The following TUBB8 variants were observed in gnomAD, a reference collection of about 807,000 sequenced individuals.
The protein encoded by TUBB8 is tubulin beta 8 class VIII.
In TUBB8, 25 loss-of-function variants were observed where a neutral mutation model predicts 33.7. The ratio of observed to expected loss-of-function variants is 0.74; its 90% confidence interval spans 0.54 to 1.04. The LOEUF (loss-of-function observed/expected upper bound fraction) is 1.04. Among genes scored for constraint, TUBB8 ranks in the 50% least tolerant of loss-of-function variants. The probability of loss-of-function intolerance (pLI) is 0.00; values close to 1 mark genes in which losing one functional copy is unlikely to be tolerated. For synonymous variants in TUBB8, 245 were observed against 240.1 expected (o/e 1.02, Z -0.19); for missense variants, 279 against 608.0 (o/e 0.46, Z 5.69).
At chr10:68,156 G>T (rs1465111694) in intron 1 of TUBB8, among the ~76,000 whole-genome samples, 8 of 152,144 alleles carry the variant, frequency 5.3e-5, no homozygotes, top group Non-Finnish European at 8.8e-5. Context: ...TATCATACTG[G>T]TATAACATAT....
chr10:65,970 A>C (rs1477647370), intron 1 of TUBB8, among the ~76,000 whole-genome samples: 1 of 152,244 alleles, frequency 6.6e-6, no homozygotes, highest in Non-Finnish European at 1.5e-5. Flanking sequence ...ATTTCATCAT[A>C]AAAACACCCA....
intron 1 of TUBB8, among the ~76,000 whole-genome samples, chr10:60,473 A>C (rs1336789729): frequency 1.3e-5 from 2 of 152,252 alleles, no homozygotes; most frequent in Non-Finnish European, 2.9e-5. Context: ...AACACATGAA[A>C]AAATGCTCAT....
At chr10:64,245 C>T (rs1489727347) in intron 1 of TUBB8, among the ~76,000 whole-genome samples, 1 of 152,130 alleles carries the variant, frequency 6.6e-6, no homozygotes, top group African/African-American at 2.4e-5. Context: ...GTAACCACAA[C>T]TTGGCTACCA....
chr10:50,908 T>C (rs1451428339), upstream of TUBB8, among the ~76,000 whole-genome samples: 3 of 152,198 alleles, frequency 2.0e-5, no homozygotes, highest in East Asian at 5.8e-4. Context: ...TTCCTTGGGA[T>C]GGTCCAGGGA....
At chr10:50,468 C>T (rs1467994391), upstream of TUBB8, among the ~76,000 whole-genome samples, 4 of 152,276 alleles carry the variant, frequency 2.6e-5, no homozygotes, top group South Asian at 6.2e-4. Context: ...GCTTCATTGG[C>T]CCTTTCAGTG....
chr10:47,501 C>A lies in TUBB8; in HGVS notation c.891G>T (p.Lys297Asn), dbSNP rs782787408. Residue 297 changes from lysine to asparagine, a missense_variant, in exon 4 of 4, where the codon AAG becomes AAT. By Grantham distance (94) the Lys-to-Asn change is moderately conservative. Coordinates refer to ENST00000568584, the MANE Select transcript of TUBB8 (RefSeq NM_177987.3). Reference sequence around the variant, plus strand: ...GGGGGTCACAGGCAGCCATCATGTTCTTAGCATCAAACATCTGCTGGGTAA... The same window carrying A: ...GGGGGTCACAGGCAGCCATCATGTTATTAGCATCAAACATCTGCTGGGTAA... Reference protein sequence around the residue: ...AELTQQMFDAKNMMAACDPRH... With the variant: ...AELTQQMFDANNMMAACDPRH... The A allele has an allele frequency of 1.2e-6, 2 of 1,612,312 alleles. No individual in the cohort carries two copies. The highest frequency in any genetic ancestry group is 1.7e-6 in the Non-Finnish European group (2 of 1,180,032).
intron 1 of TUBB8, among the ~76,000 whole-genome samples, chr10:64,323 C>G (rs1834640772): frequency 7.8e-6 from 1 of 127,706 alleles, no homozygotes; most frequent in Non-Finnish European, 1.8e-5. Flanking sequence ...TAACCCTAGT[C>G]CTAGCCTTAG....
chr10:68,186 GAT>G (rs1834695144), intron 1 of TUBB8, among the ~76,000 whole-genome samples: 1 of 152,178 alleles, frequency 6.6e-6, no homozygotes, highest in Non-Finnish European at 1.5e-5. Context: ...TCGTAATACT[GAT>G]ATGACACCCA....
upstream of TUBB8, among the ~76,000 whole-genome samples, chr10:76,421 G>C (rs572462403): frequency 3.3e-5 from 5 of 152,296 alleles, no homozygotes; most frequent in Admixed American, 6.5e-5. Flanking sequence ...AACGCGCCGC[G>C]CTCGCTCCGC....
At chr10:54,999 A>G (rs368448288) in intron 1 of TUBB8, among the ~76,000 whole-genome samples, 2 of 152,250 alleles carry the variant, frequency 1.3e-5, no homozygotes, top group South Asian at 2.1e-4. Flanking sequence ...CTCGTGATCC[A>G]CCCACCGCTG....
chr10:48,775 G>A (rs781900017), intron 2 of TUBB8, 29 bp downstream of exon 2: 2 of 1,609,352 alleles, frequency 1.2e-6, no homozygotes, highest in Non-Finnish European at 1.7e-6. Context: ...GTTCCCAGGA[G>A]GGCGGTGGGG....
chr10:65,589 G>C (rs1342088865), intron 1 of TUBB8, among the ~76,000 whole-genome samples: 1 of 152,238 alleles, frequency 6.6e-6, no homozygotes, highest in Non-Finnish European at 1.5e-5. Flanking sequence ...GCCAGGCGTG[G>C]TGGCGGGAGC....
At chr10:49,458 C>T, upstream of TUBB8, 6 of 692,190 alleles carry the variant, frequency 8.7e-6, no homozygotes. Flanking sequence ...GGTGTCCTTG[C>T]GTGGTCCTTT....
chr10:58,511 G>A (rs1588277037), intron 1 of TUBB8, among the ~76,000 whole-genome samples: 1 of 152,228 alleles, frequency 6.6e-6, no homozygotes, highest in Non-Finnish European at 1.5e-5. Context: ...ACAGGCTGTA[G>A]AGAAGACACA....
intron 1 of TUBB8, among the ~76,000 whole-genome samples, chr10:58,940 A>T (rs1244946433): frequency 6.6e-6 from 1 of 152,152 alleles, no homozygotes; most frequent in Non-Finnish European, 1.5e-5. Flanking sequence ...TGATTGCTCC[A>T]GACAGGACTT....
rs1216220607 is a variant in TUBB8, at chr10:46,978, A to C, written c.*79T>G. 6 of 611,152 alleles carry C rather than the reference A, an allele frequency of 9.8e-6. No homozygotes were observed. Among genetic ancestry groups the C allele is most frequent in the Non-Finnish European group, 1.7e-5 (6 of 348,408 alleles). The allele number at this position is 611,152 out of a possible 1,614,324, so 37.9% of individuals were successfully genotyped here. ...GGAGATGTGAAGACACAAATTAACA[A>C]GCGTATAGTGACACATGGCTGTCAG... On this transcript the variant is annotated 3_prime_UTR_variant, in exon 4 of 4. Transcript: ENST00000568584.
chr10:46,678 C>T (rs1248758731), downstream of TUBB8, among the ~76,000 whole-genome samples: 1 of 151,894 alleles, frequency 6.6e-6, no homozygotes, highest in Non-Finnish European at 1.5e-5. Flanking sequence ...ACAGGTTTTC[C>T]ACCACGTCAC....
chr10:65,793 T>C (rs1181447785), intron 1 of TUBB8, among the ~76,000 whole-genome samples: 1 of 79,294 alleles, frequency 1.3e-5, no homozygotes, highest in African/African-American at 8.8e-5. Context: ...CTAGCACGTA[T>C]TTTGAGGATT....
chr10:62,997 T>C (rs1195898346), intron 1 of TUBB8, among the ~76,000 whole-genome samples: 3 of 152,246 alleles, frequency 2.0e-5, no homozygotes, highest in Admixed American at 1.3e-4. Context: ...TGATGTTCTG[T>C]AACTTTCTTG....
Sources: allele counts gnomAD v4.1 joint callset (sites outside exome capture counted in the v4.1 genomes callset), GRCh38; gene constraint gnomAD v4.1.1; transcripts MANE v1.5; gene names NCBI Gene and HGNC (gene_info 2026-07-23, HGNC 2026-07-21).